Variants in CST8 observed in about 807,000 individuals in gnomAD.
CST8 encodes cystatin 8.
Under a neutral mutation model 11.8 loss-of-function variants are expected in CST8, and 20 were observed. The observed-to-expected ratio is 1.70, with a 90% CI of 1.20 to 2.47. The LOEUF is 2.47. Among genes scored for constraint, CST8 ranks in the 30% most tolerant of loss-of-function variants. The pLI is 0.00. For missense variants in CST8, 196 were observed against 167.2 expected, an observed-to-expected ratio of 1.17 and a Z score of -0.95; for synonymous variants, 77 against 63.1, an observed-to-expected ratio of 1.22 and a Z score of -1.05.
At chr20:23,496,450 G>A (rs1988050004), downstream of CST8, among the ~76,000 whole-genome samples, 1 of 152,036 alleles carries the variant, frequency 6.6e-6, no homozygotes, top group Non-Finnish European at 1.5e-5. Flanking sequence ...AATAGGGTGG[G>A]GGTCACAGAG....
chr20:23,502,166 G>A, the CST8 span, among the ~76,000 whole-genome samples: 13 of 152,180 alleles, frequency 8.5e-5, no homozygotes, highest in South Asian at 4.1e-4. Flanking sequence ...AGCTCCACTG[G>A]TGTAGCCACA....
downstream of CST8, among the ~76,000 whole-genome samples, chr20:23,496,914 G>A (rs1988059919): frequency 6.6e-6 from 1 of 152,174 alleles, no homozygotes; most frequent in South Asian, 2.1e-4. Flanking sequence ...TATCTCTCTT[G>A]TTCCCTGAAC....
chr20:23,502,211 C>T, the CST8 span, among the ~76,000 whole-genome samples: 69 of 152,272 alleles, frequency 4.5e-4, no homozygotes, highest in Non-Finnish European at 7.1e-4. Context: ...ACTGAAATGT[C>T]CAGGAAACCA....
chr20:23,498,662 C>G (rs1988116380), downstream of CST8, among the ~76,000 whole-genome samples: 1 of 152,206 alleles, frequency 6.6e-6, no homozygotes, highest in Non-Finnish European at 1.5e-5. Flanking sequence ...GTGTGCCACT[C>G]CCGTTATGCC....
downstream of CST8, among the ~76,000 whole-genome samples, chr20:23,496,427 G>C (rs968271681): frequency 2.0e-5 from 3 of 152,132 alleles, no homozygotes; most frequent in Non-Finnish European, 2.9e-5. Context: ...TTCAAAAGGG[G>C]AGGGAGTGTA....
In CST8 at chr20:23,491,900, T is replaced by A. The variant is rs1323207631; in HGVS notation, c.231+2T>A. ...AAGACACTGCAAGCCCAGCTTCAGG[T>A]AAAGGTGTCTTTCCATATAGGTGGA... On this transcript the variant is annotated splice_donor_variant, in intron 2 of 3. Coordinates refer to ENST00000246012, the MANE Select transcript of CST8 (RefSeq NM_005492.4). LOFTEE classifies it high-confidence loss of function. 1 of 1,610,874 alleles carries A rather than the reference T, an allele frequency of 6.2e-7. No individual in the cohort carries two copies. The highest frequency in any genetic ancestry group is 1.1e-5 in the South Asian group (1 of 91,024).
At position 23,493,012 on chromosome 20, in the gene CST8, A is replaced by C; in HGVS notation, c.286A>C (p.Arg96=). 6.2e-7 allele frequency: 1 copy of C among 1,613,802 alleles called. No homozygotes were observed. The highest frequency in any genetic ancestry group is 1.1e-5 in the South Asian group (1 of 91,078). ...TGTAGAAATTGCCCGCAGCGATTGC[A>C]GAAAGCCTTTAAGCACTAATGAAAT... is the stretch of plus-strand genomic sequence containing the variant. ...IDVEIARSDC[R]KPLSTNEICA... is the part of the protein sequence containing the mutation. Residue 96 remains arginine (R), a synonymous_variant, in exon 3 of 4, where the codon AGA becomes CGA. Transcript: ENST00000246012.
rs1987888129 is a variant in CST8 at position 23,491,719 on chromosome 20, C to T, written c.52C>T (p.Leu18=). The T allele has an allele frequency of 6.2e-7, 1 of 1,613,878 alleles. No homozygotes were observed. Among genetic ancestry groups the T allele is most frequent in the Non-Finnish European group, 8.5e-7 (1 of 1,179,928 alleles). ...GATCCTCCTCACCATTCCCCTGGCC[C>T]TGGTGGCCAGGAAAGACCCAAAAAA... ...SLILLTIPLA[L]VARKDPKKNE... is the part of the protein sequence containing the mutation. The change falls in exon 2 of 4, where the codon CTG becomes TTG. Residue 18 remains leucine, a synonymous_variant. Coordinates refer to ENST00000246012, the MANE Select transcript of CST8 (RefSeq NM_005492.4).
chr20:23,498,830 G>A (rs1988120375), downstream of CST8, among the ~76,000 whole-genome samples: 1 of 152,092 alleles, frequency 6.6e-6, no homozygotes, highest in Non-Finnish European at 1.5e-5. Flanking sequence ...TATGTGCTTG[G>A]AAGACTCCAT....
chr20:23,505,528 A>G, the CST8 span, among the ~76,000 whole-genome samples: 1 of 152,168 alleles, frequency 6.6e-6, no homozygotes, highest in African/African-American at 2.4e-5. Context: ...AGAGGAAAAA[A>G]AAAAATCACA....
At chr20:23,496,099 C>T (rs116149366), downstream of CST8, 2,886 of 574,850 alleles carry the variant, frequency 5.0e-3, 49 homozygotes, top group African/African-American at 0.045. Flanking sequence ...TTGCTGGCAC[C>T]GAACACAGCC....
At chr20:23,502,062 G>A in the CST8 span, among the ~76,000 whole-genome samples, 1 of 152,210 alleles carries the variant, frequency 6.6e-6, no homozygotes, top group African/African-American at 2.4e-5. Context: ...ACTGAGCCCT[G>A]TTCCAGAAGC....
rs573667726 is a variant in CST8, at chr20:23,493,194, A to G, written c.345+123A>G. 2.9e-5 allele frequency: 20 copies of G among 685,870 alleles called. No individual in the cohort carries two copies. The East Asian group carries it at 4.8e-4, about 17-fold the overall frequency. The allele number at this position is 685,870 out of a possible 1,614,324, so 42.5% of individuals were successfully genotyped here. A position where few individuals can be genotyped will look rare whatever the true frequency, so the allele number is the denominator to read the frequency against. The stretch of plus-strand genomic sequence containing the variant: ...TCCCAGTGTTTAGCCCCAGATAGCC[A>G]ACCCTGTGGCCTTTATAGCAGAAGA... On this transcript the variant is annotated intron_variant, in intron 3 of 3. Transcript: ENST00000246012.
the CST8 span, among the ~76,000 whole-genome samples, chr20:23,504,526 C>T: frequency 6.6e-6 from 1 of 151,914 alleles, no homozygotes; most frequent in Non-Finnish European, 1.5e-5. Flanking sequence ...TTTAGGTCGC[C>T]AAAGAGGACC....
At chr20:23,495,701 G>A (rs901410940) in intron 3 of CST8, 130 bp from the exon 4 acceptor site, 25 of 676,930 alleles carry the variant, frequency 3.7e-5, no homozygotes, top group South Asian at 8.7e-5. Flanking sequence ...CTGGGAGCTC[G>A]CTCGAGAGTG....
chr20:23,499,583 G>A (rs999191262), downstream of CST8, among the ~76,000 whole-genome samples: 3 of 152,244 alleles, frequency 2.0e-5, no homozygotes, highest in African/African-American at 7.2e-5. Flanking sequence ...GGGAACACAG[G>A]AGACCATGGA....
chr20:23,505,640 G>A, the CST8 span, among the ~76,000 whole-genome samples: 4 of 152,164 alleles, frequency 2.6e-5, no homozygotes, highest in Non-Finnish European at 4.4e-5. Flanking sequence ...GATTTGCCCC[G>A]ATTCTGGCTC....
At chr20:23,501,499 C>A in the CST8 span, among the ~76,000 whole-genome samples, 1 of 152,234 alleles carries the variant, frequency 6.6e-6, no homozygotes, top group South Asian at 2.1e-4. Context: ...CCTCAGACAC[C>A]TACCGCTCGC....
intron 3 of CST8, 22 bp downstream of exon 3, chr20:23,493,093 T>C: frequency 7.3e-7 from 1 of 1,375,326 alleles, no homozygotes; most frequent in African/African-American, 1.4e-5. Flanking sequence ...ACCACTCATC[T>C]GTGACGGCCT....
Sources: gnomAD v4.1 joint callset for allele counts (sites outside exome capture counted in the v4.1 genomes callset) on GRCh38, gnomAD v4.1.1 for gene constraint, MANE v1.5 for transcripts, NCBI Gene and HGNC (gene_info 2026-07-23, HGNC 2026-07-21) for gene names.